The following HECTD2 variants were observed in gnomAD, a reference collection of about 807,000 sequenced individuals.
HECTD2 encodes HECT domain E3 ubiquitin protein ligase 2, also known as probable E3 ubiquitin-protein ligase HECTD2.
In HECTD2, 35 loss-of-function variants were observed where a neutral mutation model predicts 103.2. The observed-to-expected ratio is 0.34, with a 90% CI of 0.26 to 0.45. The LOEUF (loss-of-function observed/expected upper bound fraction) is 0.45. HECTD2 is among the 20% of genes least tolerant of loss of function. The pLI, the probability that HECTD2 is intolerant of heterozygous loss-of-function variation, is 1.00. For missense variants in HECTD2, 596 were observed against 937.4 expected (o/e 0.64, Z 4.76); for synonymous variants, 281 against 329.9 (o/e 0.85, Z 1.61).
At chr10:91,420,321 C>G (rs1311126799) in intron 1 of HECTD2, among the ~76,000 whole-genome samples, 3 of 150,398 alleles carry the variant, frequency 2.0e-5, no homozygotes, top group Non-Finnish European at 3.0e-5. Context: ...TGCAGTGGCT[C>G]ACATTTGTAA....
In HECTD2 at chr10:91,487,254, A is replaced by G. The variant is rs2133300175; in HGVS notation, c.1095-428A>G. 5.5e-6 allele frequency: 1 copy of G among 181,236 alleles called. No individual in the cohort carries two copies. The highest frequency in any genetic ancestry group is 1.3e-4 in the East Asian group (1 of 7,664). The allele number at this position is 181,236 out of a possible 1,614,324, so 11.2% of individuals were successfully genotyped here. A position where few individuals can be genotyped will look rare whatever the true frequency, so the allele number is the denominator to read the frequency against. On this transcript the variant is annotated intron_variant, in intron 10 of 20. Coordinates refer to ENST00000298068, the MANE Select transcript of HECTD2 (RefSeq NM_182765.6). This position sits in a 1 kb window ranked among gnomAD's most constrained non-coding sequence, Gnocchi z 4.1. ...ACTGTAGTTATTGTTAGATTTTTTC[A>G]TTTCTGGAACTCACACATCAGAAGT...
chr10:91,480,861 A>G (rs1300414103), intron 6 of HECTD2, among the ~76,000 whole-genome samples: 1 of 151,992 alleles, frequency 6.6e-6, no homozygotes, highest in African/African-American at 2.4e-5. Context: ...ACCTCACAAA[A>G]TGTTATAGCC....
chr10:91,421,659 T>C (rs1843364225), intron 1 of HECTD2, among the ~76,000 whole-genome samples: 2 of 152,222 alleles, frequency 1.3e-5, no homozygotes, highest in South Asian at 4.1e-4. Flanking sequence ...AACCCTGTTA[T>C]AAAAATTCAT....
chr10:91,508,686 C>T (rs1388484835), intron 20 of HECTD2, among the ~76,000 whole-genome samples: 6 of 147,980 alleles, frequency 4.1e-5, no homozygotes, highest in Non-Finnish European at 8.9e-5. Flanking sequence ...GGACTGTAAA[C>T]TAGTTCAACC....
rs192338818 is a variant in HECTD2, at chr10:91,425,027, C to T, written c.139-254C>T. Reference sequence around the variant, plus strand: ...TGTGCATTATCTCTGTTAAATCTTACAGTAAATCTATAAGATAGGTACTGT... The same window carrying T: ...TGTGCATTATCTCTGTTAAATCTTATAGTAAATCTATAAGATAGGTACTGT... On this transcript the variant is annotated intron_variant, in intron 1 of 20. Coordinates refer to ENST00000298068, the MANE Select transcript of HECTD2 (RefSeq NM_182765.6). 4.6e-5 allele frequency among the ~76,000 whole-genome samples: 7 copies of T among 152,198 alleles called. No individual in the cohort carries two copies. The South Asian group carries it at 1.5e-3, about 32-fold the overall frequency.
intron 5 of HECTD2, among the ~76,000 whole-genome samples, chr10:91,466,008 T>A (rs1159061195): frequency 3.3e-5 from 5 of 152,212 alleles, no homozygotes; most frequent in Non-Finnish European, 7.4e-5. Flanking sequence ...ACAGAATTGG[T>A]ATCATTTATT....
intron 15 of HECTD2, among the ~76,000 whole-genome samples, chr10:91,496,765 G>A (rs1177240915): frequency 6.6e-6 from 1 of 151,738 alleles, no homozygotes; most frequent in African/African-American, 2.4e-5. Flanking sequence ...TGGTTTTAAA[G>A]GAATAGAACA....
At chr10:91,449,242 A>G (rs1038250204) in intron 2 of HECTD2, among the ~76,000 whole-genome samples, 3 of 152,200 alleles carry the variant, frequency 2.0e-5, no homozygotes, top group African/African-American at 7.2e-5. Context: ...GGCTGGTTCA[A>G]CATACACAAA....
intron 3 of HECTD2, among the ~76,000 whole-genome samples, chr10:91,460,849 ACC>A (rs1845317003): frequency 6.6e-6 from 1 of 152,298 alleles, no homozygotes; most frequent in East Asian, 1.9e-4. Flanking sequence ...ATAGACTGTT[ACC>A]ATTTTTAGAA....
intron 5 of HECTD2, among the ~76,000 whole-genome samples, chr10:91,470,629 A>G (rs1157911285): frequency 1.3e-5 from 2 of 152,140 alleles, no homozygotes; most frequent in Non-Finnish European, 2.9e-5. Flanking sequence ...CACCTAGAAA[A>G]TCTACAGAAA....
chr10:91,455,887 G>C (rs1845065310), intron 2 of HECTD2, among the ~76,000 whole-genome samples: 1 of 151,944 alleles, frequency 6.6e-6, no homozygotes, highest in Non-Finnish European at 1.5e-5. Flanking sequence ...GGTTGTAGAT[G>C]TGTGGTATTA....
At chr10:91,483,186 T>C (rs1302790369) in intron 8 of HECTD2, 110 bp downstream of exon 8, 2 of 469,536 alleles carry the variant, frequency 4.3e-6, no homozygotes, top group Non-Finnish European at 7.4e-6. Flanking sequence ...TTAGAAATGA[T>C]GCTTATATTC....
chr10:91,468,065 A>G (rs867952215), intron 5 of HECTD2, among the ~76,000 whole-genome samples: 2 of 152,084 alleles, frequency 1.3e-5, no homozygotes, highest in Admixed American at 6.5e-5. Context: ...ATCCCATCAC[A>G]TGGCTCTGAG....
At chr10:91,468,270 G>A (rs1157625603) in intron 5 of HECTD2, among the ~76,000 whole-genome samples, 7 of 152,156 alleles carry the variant, frequency 4.6e-5, no homozygotes, top group Non-Finnish European at 1.0e-4. Context: ...CCCAGAGTTA[G>A]AGCATGCAGC....
rs745744284 is a variant in HECTD2, at chr10:91,493,495, G to A, written c.1508G>A (p.Arg503Gln). The A allele has an allele frequency of 8.5e-6, 13 of 1,532,248 alleles. No homozygotes were observed. The highest frequency in any genetic ancestry group is 7.5e-5 in the East Asian group (3 of 40,080). The allele number at this position is 1,532,248 out of a possible 1,614,324, so 94.9% of individuals were successfully genotyped here. Residue 503 changes from arginine to glutamine, a missense_variant, in exon 14 of 21, where the codon CGA (arginine) becomes CAA (glutamine). Coordinates refer to ENST00000298068, the MANE Select transcript of HECTD2 (RefSeq NM_182765.6). ...SFKCDNYSEFRLVGILMGLAV... is the reference protein window; with the variant it reads ...SFKCDNYSEFQLVGILMGLAV... ...AAATGTGATAACTATTCTGAATTCCGATTGGTTGGAATTGTATCCTTTAAA... is the reference window on the plus strand; with the variant it reads ...AAATGTGATAACTATTCTGAATTCCAATTGGTTGGAATTGTATCCTTTAAA...
intron 1 of HECTD2, among the ~76,000 whole-genome samples, chr10:91,423,737 CTT>C (rs1283419901): frequency 1.3e-5 from 2 of 152,092 alleles, no homozygotes; most frequent in African/African-American, 4.8e-5. Flanking sequence ...AATTTATTCT[CTT>C]TGGGCTCTTT....
At chr10:91,490,830 G>T (rs1225798336) in intron 11 of HECTD2, among the ~76,000 whole-genome samples, 2 of 140,672 alleles carry the variant, frequency 1.4e-5, no homozygotes, top group Non-Finnish European at 3.0e-5. Flanking sequence ...GGCGGAGCTT[G>T]CAGTGAGCCG....
At chr10:91,498,086 A>T in intron 15 of HECTD2, 22 bp from the exon 16 acceptor site, 1 of 1,548,670 alleles carries the variant, frequency 6.5e-7, no homozygotes, top group Non-Finnish European at 8.9e-7. Flanking sequence ...TGAAAAAATC[A>T]TTAACAGATT....
At chr10:91,504,512 G>C (rs1847061203) in intron 20 of HECTD2, among the ~76,000 whole-genome samples, 1 of 152,190 alleles carries the variant, frequency 6.6e-6, no homozygotes, top group Admixed American at 6.5e-5. Flanking sequence ...CGATAAACTG[G>C]AAGAAAGGGT....
Sources: allele counts gnomAD v4.1 joint callset (sites outside exome capture counted in the v4.1 genomes callset), GRCh38; gene constraint gnomAD v4.1.1; non-coding constraint Gnocchi (gnomAD v3.1); transcripts MANE v1.5; gene names NCBI Gene and HGNC (gene_info 2026-07-23, HGNC 2026-07-21).